SGCZ: variants seen among roughly 807,000 people sequenced by gnomAD.
SGCZ encodes zeta-sarcoglycan.
In SGCZ, 40 loss-of-function variants were observed where a neutral mutation model predicts 41.3. The ratio of observed to expected loss-of-function variants is 0.97; its 90% confidence interval spans 0.75 to 1.26. The LOEUF (loss-of-function observed/expected upper bound fraction) is 1.26. Among genes scored for constraint, SGCZ ranks in the 50% most tolerant of loss-of-function variants. SGCZ has a pLI of 0.00. For synonymous variants in SGCZ, 206 were observed against 137.5 expected (o/e 1.50, Z -3.49); for missense variants, 552 against 369.8 (o/e 1.49, Z -4.04).
chr8:14,886,028 T>TATAA (rs1554517464), intron 1 of SGCZ, among the ~76,000 whole-genome samples: 6 of 110,084 alleles, frequency 5.5e-5, no homozygotes, highest in African/African-American at 2.0e-4. Flanking sequence ...TATATATATA[T>TATAA]ATATATAAAA....
Position 14,339,080 on chromosome 8 carries a change from CAACTAT to C in SGCZ, c.235-14882_235-14877del, listed in dbSNP as rs1279479646. ...TAGTAAAAAAGGATATTCATGTTGA[CAACTAT>C]AACATATTATGTTTTTTTTTCTCCA... On this transcript the variant is annotated intron_variant, in intron 2 of 7. Transcript: ENST00000382080. Among the ~76,000 whole-genome samples, 4 of 149,800 alleles carry C rather than the reference CAACTAT, an allele frequency of 2.7e-5. No homozygotes were observed. The East Asian group carries it at 5.8e-4, about 22-fold the overall frequency.
At chr8:15,007,743 T>C (rs1268467630) in intron 1 of SGCZ, among the ~76,000 whole-genome samples, 3 of 152,346 alleles carry the variant, frequency 2.0e-5, no homozygotes, top group African/African-American at 7.2e-5. Flanking sequence ...ATCATCAGGC[T>C]TAAGTATCAC....
intron 1 of SGCZ, among the ~76,000 whole-genome samples, chr8:14,912,039 G>A (rs527451857): frequency 1.1e-4 from 16 of 151,800 alleles, no homozygotes; most frequent in Non-Finnish European, 7.4e-5. Context: ...CTGCACTGAC[G>A]CTATGTAAGC....
At chr8:14,875,114 G>A (rs888469960) in intron 1 of SGCZ, among the ~76,000 whole-genome samples, 2 of 152,126 alleles carry the variant, frequency 1.3e-5, no homozygotes, top group African/African-American at 4.8e-5. Context: ...TGGAGGCTGG[G>A]AAATTCAAGC....
chr8:14,222,277 T>A (rs1302455338), intron 4 of SGCZ, among the ~76,000 whole-genome samples: 1 of 151,912 alleles, frequency 6.6e-6, no homozygotes, highest in East Asian at 2.0e-4. Context: ...TTCAAGCAAT[T>A]ATCTGCCTCA....
In SGCZ at chr8:14,332,201, C is replaced by G. The variant is rs1313102023; in HGVS notation, c.235-7997G>C. ...CTGTAATCCCAGTACTTTGGGAGGCCGAAGCGGGCGGATCACGAGTTCAGG... is the reference window on the plus strand; with the variant it reads ...CTGTAATCCCAGTACTTTGGGAGGCGGAAGCGGGCGGATCACGAGTTCAGG... On this transcript the variant is annotated intron_variant, in intron 2 of 7. Transcript: ENST00000382080. Among the ~76,000 whole-genome samples, 11 of 151,958 alleles carry G rather than the reference C, an allele frequency of 7.2e-5. No homozygotes were observed. The East Asian group carries it at 1.9e-3, about 27-fold the overall frequency.
intron 1 of SGCZ, among the ~76,000 whole-genome samples, chr8:14,942,146 A>T (rs1483499428): frequency 6.6e-6 from 1 of 152,058 alleles, no homozygotes; most frequent in Non-Finnish European, 1.5e-5. Flanking sequence ...GTCTGGGTCC[A>T]GGATCTGGTA....
intron 2 of SGCZ, among the ~76,000 whole-genome samples, chr8:14,549,534 C>T (rs1238495742): frequency 1.3e-5 from 2 of 151,888 alleles, no homozygotes; most frequent in South Asian, 2.1e-4. Flanking sequence ...AAAAAGTCAG[C>T]GAAAAATAAT....
At chr8:14,795,482 A>T (rs6986881) in intron 1 of SGCZ, among the ~76,000 whole-genome samples, 1 of 151,828 alleles carries the variant, frequency 6.6e-6, no homozygotes, top group Non-Finnish European at 1.5e-5. Flanking sequence ...TCTTGCTGTC[A>T]CCCATGCTGG....
At chr8:15,114,024 T>G (rs1179912714) in intron 1 of SGCZ, among the ~76,000 whole-genome samples, 2 of 152,236 alleles carry the variant, frequency 1.3e-5, no homozygotes, top group Non-Finnish European at 2.9e-5. Flanking sequence ...TCTTGGTATC[T>G]TTCCCTCCTT....
At chr8:14,888,199 G>C (rs1804881041) in intron 1 of SGCZ, among the ~76,000 whole-genome samples, 2 of 152,260 alleles carry the variant, frequency 1.3e-5, no homozygotes, top group Non-Finnish European at 2.9e-5. Context: ...AATACACATA[G>C]TAGTGACCTT....
chr8:14,325,182 A>G (rs1802050442), intron 2 of SGCZ, among the ~76,000 whole-genome samples: 1 of 152,156 alleles, frequency 6.6e-6, no homozygotes, highest in Admixed American at 6.5e-5. Flanking sequence ...TTAATCTGGC[A>G]GAAGTACTGT....
intron 3 of SGCZ, among the ~76,000 whole-genome samples, chr8:14,305,533 T>A (rs756146491): frequency 6.6e-6 from 1 of 152,180 alleles, no homozygotes; most frequent in African/African-American, 2.4e-5. Context: ...AAATTAATCT[T>A]ATTAAATTTA....
intron 4 of SGCZ, among the ~76,000 whole-genome samples, chr8:14,219,115 C>T (rs999310876): frequency 4.6e-5 from 7 of 152,132 alleles, no homozygotes; most frequent in Admixed American, 2.6e-4. Context: ...CAACAATGAG[C>T]CATTTCTCAA....
At chr8:15,127,123 T>C (rs929606750) in intron 1 of SGCZ, among the ~76,000 whole-genome samples, 15 of 152,280 alleles carry the variant, frequency 9.9e-5, no homozygotes, top group African/African-American at 2.9e-4. Context: ...ATGCTGATCA[T>C]GTATGAGACA....
At chr8:14,475,999 G>T (rs1009248600) in intron 2 of SGCZ, among the ~76,000 whole-genome samples, 2 of 151,272 alleles carry the variant, frequency 1.3e-5, no homozygotes, top group Non-Finnish European at 2.9e-5. Context: ...TTAAGACAGG[G>T]TCTCACTATG....
At chr8:14,379,732 A>T (rs1804288489) in intron 2 of SGCZ, among the ~76,000 whole-genome samples, 1 of 151,920 alleles carries the variant, frequency 6.6e-6, no homozygotes, top group South Asian at 2.1e-4. Flanking sequence ...AATTATATAT[A>T]TATACATATA....
At chr8:14,446,470 T>C (rs1388786818) in intron 2 of SGCZ, among the ~76,000 whole-genome samples, 5 of 152,174 alleles carry the variant, frequency 3.3e-5, no homozygotes, top group Admixed American at 6.6e-5. Context: ...CCCAAATAAA[T>C]TGTATAGAGA....
intron 4 of SGCZ, among the ~76,000 whole-genome samples, chr8:14,226,119 C>A (rs1014458140): frequency 4.6e-5 from 7 of 151,944 alleles, no homozygotes; most frequent in African/African-American, 1.7e-4. Context: ...AGGATAAATT[C>A]CCCACTGGAC....
Sources: gnomAD v4.1 joint callset for allele counts (sites outside exome capture counted in the v4.1 genomes callset) on GRCh38, gnomAD v4.1.1 for gene constraint, MANE v1.5 for transcripts, NCBI Gene and HGNC (gene_info 2026-07-23, HGNC 2026-07-21) for gene names.